The following SNX31 variants were observed in gnomAD, a reference collection of about 807,000 sequenced individuals.
SNX31 encodes sorting nexin-31.
A neutral mutation model predicts 65.4 loss-of-function variants in SNX31; 58 were observed. The ratio of observed to expected loss-of-function variants is 0.89; its 90% CI spans 0.72 to 1.10. The LOEUF (loss-of-function observed/expected upper bound fraction) is 1.10. SNX31 is among the 50% of genes least tolerant of loss of function. The pLI is 0.00. For missense variants in SNX31, 523 were observed against 529.7 expected, an observed-to-expected ratio of 0.99 and a Z score of 0.12; for synonymous variants, 181 against 190.1, an observed-to-expected ratio of 0.95 and a Z score of 0.39.
Position 100,625,740 on chromosome 8 carries a change from C to T in SNX31, c.321+4587G>A, listed in dbSNP as rs544458728. 1.7e-4 allele frequency among the ~76,000 whole-genome samples: 26 copies of T among 152,250 alleles called. No individual in the cohort carries two copies. Among genetic ancestry groups the T allele is most frequent in the African/African-American group, 5.8e-4 (24 of 41,564 alleles). ...TCAAAGTGCTGCAGAACTCAAGCAA[C>T]GCATAAGCTGCCTCAAAGCAGTTAA... On this transcript the variant is annotated intron_variant, in intron 4 of 13. Coordinates refer to ENST00000311812, the MANE Select transcript of SNX31 (RefSeq NM_152628.4). The surrounding 1 kb of genome is among the most constrained non-coding windows in gnomAD (Gnocchi z 4.2).
chr8:100,633,016 C>T (rs71516877), intron 3 of SNX31, among the ~76,000 whole-genome samples: 1 of 152,160 alleles, frequency 6.6e-6, no homozygotes, highest in South Asian at 2.1e-4. Flanking sequence ...CCTGAAACTC[C>T]TGGGCTCCAG....
intron 1 of SNX31, among the ~76,000 whole-genome samples, chr8:100,659,731 T>C (rs1448081200): frequency 6.6e-6 from 1 of 152,232 alleles, no homozygotes; most frequent in Non-Finnish European, 1.5e-5. Context: ...AATTACTGTT[T>C]GTGTTTTGGT....
exon 1 of SNX31, chr8:100,663,171 G>A (rs1024428232): frequency 1.3e-5 from 2 of 152,190 alleles, no homozygotes; most frequent in Non-Finnish European, 1.5e-5. Flanking sequence ...CTACTTGAAC[G>A]ACGGGACCAT....
chr8:100,652,366 T>C (rs949465453), upstream of SNX31, among the ~76,000 whole-genome samples: 39 of 152,180 alleles, frequency 2.6e-4, no homozygotes, highest in Non-Finnish European at 1.0e-4. Flanking sequence ...CAAGGGGTAT[T>C]TTAATTTACT....
chr8:100,634,652 G>A (rs1818625829), intron 3 of SNX31, among the ~76,000 whole-genome samples: 1 of 151,960 alleles, frequency 6.6e-6, no homozygotes. Flanking sequence ...GAGAGGGTGA[G>A]GCAGGAGAAT....
chr8:100,593,602 C>T (rs1299863662), intron 10 of SNX31, among the ~76,000 whole-genome samples: 1 of 151,994 alleles, frequency 6.6e-6, no homozygotes, highest in East Asian at 1.9e-4. Flanking sequence ...TACAGATGCG[C>T]CCCACCACGC....
intron 5 of SNX31, among the ~76,000 whole-genome samples, chr8:100,615,926 C>G (rs146515137): frequency 1.3e-5 from 2 of 151,758 alleles, no homozygotes; most frequent in African/African-American, 4.9e-5. Flanking sequence ...CCCGCCACCA[C>G]GCCCGGCTAA....
intron 12 of SNX31, among the ~76,000 whole-genome samples, chr8:100,583,337 C>T (rs1473808802): frequency 2.6e-5 from 4 of 152,066 alleles, no homozygotes; most frequent in Middle Eastern, 3.4e-3. Flanking sequence ...AACTCCTGAC[C>T]TCAAGTGATC....
rs1818353619 is a variant in SNX31, at chr8:100,630,678, C to G, written c.257-287G>C. Among the ~76,000 whole-genome samples, 1 of 152,212 alleles carries G rather than the reference C, an allele frequency of 6.6e-6. No homozygotes were observed. Among genetic ancestry groups the G allele is most frequent in the Admixed American group, 6.6e-5 (1 of 15,266 alleles). ...CTGAACATCCATTTTGCTGCCCTAC[C>G]AGGATGATAATGAAGTTTATATGAA... On this transcript the variant is annotated intron_variant, in intron 3 of 13. Coordinates refer to ENST00000311812, the MANE Select transcript of SNX31 (RefSeq NM_152628.4). This position sits in a 1 kb window ranked among gnomAD's most constrained non-coding sequence, Gnocchi z 5.3.
chr8:100,600,353 G>A lies in SNX31; in HGVS notation c.770C>T (p.Thr257Ile). 5.0e-6 allele frequency: 8 copies of A among 1,612,794 alleles called. No individual in the cohort carries two copies. The highest frequency in any genetic ancestry group is 6.8e-6 in the Non-Finnish European group (8 of 1,179,212). The change falls in exon 9 of 14, where the codon ACA (threonine) becomes ATA (isoleucine). Residue 257 changes from threonine to isoleucine, a missense_variant. Physicochemically the swap from Thr to Ile is moderately conservative, Grantham distance 89. Coordinates refer to ENST00000311812, the MANE Select transcript of SNX31 (RefSeq NM_152628.4). The stretch of plus-strand genomic sequence containing the variant: ...TTGGAGCAATATTTGATTCACCTTT[G>A]TTTGACTGTCTTCTTTCTGGAAAGC... ...LEAFQKEDSQ[T>I]KFLELAREVR...
chr8:100,600,693 C>G (rs930441186), intron 8 of SNX31, among the ~76,000 whole-genome samples: 1 of 151,594 alleles, frequency 6.6e-6, no homozygotes, highest in African/African-American at 2.4e-5. Flanking sequence ...CAAATAAATT[C>G]CAGATAAAGA....
upstream of SNX31, chr8:100,663,436 T>C (rs1190594480): frequency 6.6e-6 from 1 of 151,722 alleles, no homozygotes; most frequent in Non-Finnish European, 1.5e-5. Context: ...TCAGAGTTGT[T>C]TTGTTTCTGC....
chr8:100,576,895 G>A lies in SNX31; in HGVS notation c.1227+124C>T. ...CCTTCCAATTGGCCCAATCTACAAA[G>A]AGGAGCTTCTGAGAAACATAATTCT... is the stretch of plus-strand genomic sequence containing the variant. On this transcript the variant is annotated intron_variant, in intron 13 of 13. Transcript: ENST00000311812. The surrounding 1 kb of genome is among the most constrained non-coding windows in gnomAD (Gnocchi z 4.8). 1 of 809,984 alleles carries A rather than the reference G, an allele frequency of 1.2e-6. No individual in the cohort carries two copies. Among genetic ancestry groups the A allele is most frequent in the Non-Finnish European group, 2.0e-6 (1 of 502,228 alleles). 50.2% of individuals were successfully genotyped at this position (809,984 alleles called of 1,614,324 possible).
rs910562202 is a variant in SNX31, at chr8:100,626,141, GC to G, written c.321+4185del. ...CTCAGGAGGCTGAGACAGGAGAATCGCTTGAACCCAGGAGGTGAAGGTAGTG... is the reference window on the plus strand; with the variant it reads ...CTCAGGAGGCTGAGACAGGAGAATCGTTGAACCCAGGAGGTGAAGGTAGTG... On this transcript the variant is annotated intron_variant, in intron 4 of 13. Transcript: ENST00000311812. This position sits in a 1 kb window ranked among gnomAD's most constrained non-coding sequence, Gnocchi z 4.4. Among the ~76,000 whole-genome samples, 2 of 152,116 alleles carry G rather than the reference GC, an allele frequency of 1.3e-5. No homozygotes were observed. The highest frequency in any genetic ancestry group is 4.8e-5 in the African/African-American group (2 of 41,428).
chr8:100,598,516 A>G (rs563188229), intron 9 of SNX31, among the ~76,000 whole-genome samples: 5 of 150,020 alleles, frequency 3.3e-5, no homozygotes, highest in Non-Finnish European at 7.4e-5. Context: ...GTGAAGCTCT[A>G]TTTTGCAAGA....
At position 100,609,723 on chromosome 8, in the gene SNX31, T is replaced by C. The variant is rs1816533300; in HGVS notation, c.612-1160A>G. Among the ~76,000 whole-genome samples the C allele has an allele frequency of 6.6e-6, 1 of 152,134 alleles. No individual in the cohort carries two copies. Among genetic ancestry groups the C allele is most frequent in the South Asian group, 2.1e-4 (1 of 4,832 alleles). ...ATATGGTGCTTGAAGGTCAACTTCATTCTGGGGTGGGGAGAAGTAACTGAA... is the reference window on the plus strand; with the variant it reads ...ATATGGTGCTTGAAGGTCAACTTCACTCTGGGGTGGGGAGAAGTAACTGAA... On this transcript the variant is annotated intron_variant, in intron 7 of 13. Transcript: ENST00000311812. The surrounding 1 kb of genome is among the most constrained non-coding windows in gnomAD (Gnocchi z 4.9).
intron 3 of SNX31, among the ~76,000 whole-genome samples, chr8:100,633,557 C>G (rs1362078869): frequency 6.6e-6 from 1 of 152,060 alleles, no homozygotes; most frequent in East Asian, 1.9e-4. Context: ...GCACGTGCCA[C>G]CATGGTCAGC....
chr8:100,635,085 A>G lies in SNX31; in HGVS notation c.256+812T>C, dbSNP rs113286810. Among the ~76,000 whole-genome samples, 615 of 151,806 alleles carry G rather than the reference A, an allele frequency of 4.1e-3. 7 individuals carry two copies. The highest frequency in any genetic ancestry group is 0.014 in the African/African-American group (593 of 41,406). The stretch of plus-strand genomic sequence containing the variant: ...GTCTCAAAAAATAAAATCAGCAAAC[A>G]TATAACTGCTGAGACATTTAGGCTG... On this transcript the variant is annotated intron_variant, in intron 3 of 13. Coordinates refer to ENST00000311812, the MANE Select transcript of SNX31 (RefSeq NM_152628.4).
intron 12 of SNX31, 132 bp from the exon 13 acceptor site, chr8:100,577,207 C>T: frequency 1.6e-5 from 11 of 700,342 alleles, no homozygotes; most frequent in Non-Finnish European, 2.2e-5. Flanking sequence ...TCAGCAGGTA[C>T]ACCTGCTTGT....
Sources: gnomAD v4.1 joint callset for allele counts (sites outside exome capture counted in the v4.1 genomes callset) on GRCh38, gnomAD v4.1.1 for gene constraint, Gnocchi (gnomAD v3.1) non-coding constraint, MANE v1.5 for transcripts, NCBI Gene and HGNC (gene_info 2026-07-23, HGNC 2026-07-21) for gene names.